The following SLMAP variants were observed in gnomAD, a reference collection of about 807,000 sequenced individuals.
SLMAP encodes the protein sarcolemmal membrane-associated protein.
Under a neutral mutation model 128.8 loss-of-function variants are expected in SLMAP, and 44 were observed. The ratio of observed to expected loss-of-function variants is 0.34; its 90% CI spans 0.27 to 0.44. The LOEUF (loss-of-function observed/expected upper bound fraction) is 0.44, where lower values mean the gene tolerates loss of function less well. Ranked by LOEUF, SLMAP falls within the 20% of genes least tolerant of loss-of-function variation. SLMAP has a pLI of 1.00. For missense variants in SLMAP, 787 were observed against 985.3 expected, an observed-to-expected ratio of 0.80 and a Z score of 2.69; for synonymous variants, 327 against 348.8, an observed-to-expected ratio of 0.94 and a Z score of 0.70.
Position 57,864,536 on chromosome 3 carries a change from T to C in SLMAP, c.967-12T>C, listed in dbSNP as rs766553720. On this transcript the variant is annotated splice_polypyrimidine_tract_variant and intron_variant, in intron 10 of 24. Transcript: ENST00000671191. The stretch of plus-strand genomic sequence containing the variant: ...AGGTTTGTTAAATAACTGAATTTTC[T>C]TATTTTTCTAGGTAGCAGAGGGAAA... 3.9e-6 allele frequency: 6 copies of C among 1,553,528 alleles called. No homozygotes were observed. The South Asian group carries it at 6.2e-5, about 16-fold the overall frequency.
chr3:57,840,171 C>A (rs2093861105), intron 3 of SLMAP, among the ~76,000 whole-genome samples: 1 of 152,174 alleles, frequency 6.6e-6, no homozygotes, highest in Admixed American at 6.5e-5. Flanking sequence ...CCAGGCTGGT[C>A]TCAAACTCCT....
At chr3:57,924,171 A>G (rs1043770419) in intron 23 of SLMAP, among the ~76,000 whole-genome samples, 1 of 152,160 alleles carries the variant, frequency 6.6e-6, no homozygotes, top group African/African-American at 2.4e-5. Context: ...CCTTTTCAAA[A>G]GTAACTTTGC....
At chr3:57,838,182 C>T (rs1428987015) in intron 3 of SLMAP, among the ~76,000 whole-genome samples, 2 of 152,044 alleles carry the variant, frequency 1.3e-5, no homozygotes, top group Non-Finnish European at 2.9e-5. Context: ...AACTTTCTAC[C>T]AAATTAAAGT....
At chr3:57,839,207 G>A (rs2093793199) in intron 3 of SLMAP, among the ~76,000 whole-genome samples, 1 of 151,878 alleles carries the variant, frequency 6.6e-6, no homozygotes, top group South Asian at 2.1e-4. Flanking sequence ...CCACAGCACT[G>A]GGATTAGGGG....
At chr3:57,814,958 G>A (rs1054517676) in intron 2 of SLMAP, among the ~76,000 whole-genome samples, 1 of 152,142 alleles carries the variant, frequency 6.6e-6, no homozygotes, top group Admixed American at 6.5e-5. Context: ...CTGTACTCTA[G>A]TATGGGTTAC....
At position 57,801,034 on chromosome 3, in the gene SLMAP, G is replaced by A. The variant is rs111461055; in HGVS notation, c.199-30349G>A. 506 of 226,918 alleles carry A rather than the reference G, an allele frequency of 2.2e-3. 4 individuals carry two copies. Among genetic ancestry groups the A allele is most frequent in the African/African-American group, 0.011 (484 of 43,344 alleles). The allele number at this position is 226,918 out of a possible 1,614,324, so 14.1% of individuals were successfully genotyped here. On this transcript the variant is annotated intron_variant, in intron 2 of 24. Transcript: ENST00000671191. ...CTGTAAGCTCTACAAGAATTTCTGGGACAGAAAGTTCATGAGTAAAGCTAA... is the reference window on the plus strand; with the variant it reads ...CTGTAAGCTCTACAAGAATTTCTGGAACAGAAAGTTCATGAGTAAAGCTAA...
At chr3:57,917,153 T>C (rs747728794) in intron 22 of SLMAP, 76 bp downstream of exon 22, 1 of 1,598,008 alleles carries the variant, frequency 6.3e-7, no homozygotes, top group Non-Finnish European at 8.5e-7. Flanking sequence ...CCATGCTAGT[T>C]AGAAATAAAG....
At chr3:57,889,010 G>A (rs137907050) in intron 14 of SLMAP, among the ~76,000 whole-genome samples, 2,004 of 151,770 alleles carry the variant, frequency 0.013, 19 homozygotes, top group South Asian at 0.034. Context: ...TCAGCCTCCC[G>A]AGTAGCTGGG....
At chr3:57,867,463 A>C (rs2095337385) in intron 13 of SLMAP, among the ~76,000 whole-genome samples, 1 of 152,162 alleles carries the variant, frequency 6.6e-6, no homozygotes, top group South Asian at 2.1e-4. Flanking sequence ...TATTTTAGAT[A>C]CTTAAAGGTA....
chr3:57,779,598 A>G (rs1378814588), intron 2 of SLMAP, among the ~76,000 whole-genome samples: 2 of 152,104 alleles, frequency 1.3e-5, no homozygotes, highest in African/African-American at 2.4e-5. Flanking sequence ...TAGTAATAGA[A>G]TGATAAGCAA....
intron 6 of SLMAP, among the ~76,000 whole-genome samples, chr3:57,857,482 G>A (rs1354105934): frequency 6.6e-6 from 1 of 152,162 alleles, no homozygotes; most frequent in South Asian, 2.1e-4. Context: ...TAAAAGTTAT[G>A]TGAATGTCAA....
rs2096826161 is a variant in SLMAP, at chr3:57,916,972, T to C, written c.2205T>C (p.Leu735=). ...LSILQMSRKE[L]ENQVGSLKEQ... ...TCCTTCAAATGTCTAGGAAAGAACT[T>C]GAGAATCAAGTGGGATCCTTGAAAG... The change falls in exon 22 of 25, where the codon CTT becomes CTC. Residue 735 remains leucine (L), a synonymous_variant. Transcript: ENST00000671191. 1 of 1,613,818 alleles carries C rather than the reference T, an allele frequency of 6.2e-7. No individual in the cohort carries two copies. The highest frequency in any genetic ancestry group is 8.5e-7 in the Non-Finnish European group (1 of 1,179,926).
chr3:57,816,432 C>T (rs2091872497), intron 2 of SLMAP, among the ~76,000 whole-genome samples: 1 of 152,200 alleles, frequency 6.6e-6, no homozygotes, highest in African/African-American at 2.4e-5. Context: ...GTGTGAGCCA[C>T]AGCACCCAGC....
intron 2 of SLMAP, among the ~76,000 whole-genome samples, chr3:57,831,100 T>C (rs780126240): frequency 6.6e-6 from 1 of 152,204 alleles, no homozygotes; most frequent in Non-Finnish European, 1.5e-5. Context: ...GTGGAATTGC[T>C]GAGTTGTATA....
chr3:57,881,393 A>G (rs568681795), intron 14 of SLMAP, among the ~76,000 whole-genome samples: 1 of 152,274 alleles, frequency 6.6e-6, no homozygotes, highest in Admixed American at 6.5e-5. Flanking sequence ...TGACTCCCAA[A>G]GCATTGAGGT....
intron 22 of SLMAP, among the ~76,000 whole-genome samples, chr3:57,919,106 C>A (rs2096866746): frequency 6.6e-6 from 1 of 152,148 alleles, no homozygotes; most frequent in Non-Finnish European, 1.5e-5. Context: ...CTTGGCTGGG[C>A]GCCGTGGCTC....
chr3:57,923,588 A>T (rs993097977), intron 23 of SLMAP, among the ~76,000 whole-genome samples: 1 of 152,248 alleles, frequency 6.6e-6, no homozygotes, highest in African/African-American at 2.4e-5. Flanking sequence ...CTAGAAAGAC[A>T]GATGGTCTTT....
intron 14 of SLMAP, among the ~76,000 whole-genome samples, chr3:57,875,173 A>G (rs2095574872): frequency 6.6e-6 from 1 of 152,224 alleles, no homozygotes; most frequent in Non-Finnish European, 1.5e-5. Context: ...GTACCTACAT[A>G]CAAGAAAAAA....
intron 17 of SLMAP, among the ~76,000 whole-genome samples, chr3:57,906,113 A>G (rs908615639): frequency 6.7e-6 from 1 of 149,968 alleles, no homozygotes; most frequent in Non-Finnish European, 1.5e-5. Context: ...AACAGGGGCC[A>G]GGACCTTTGC....
Sources: gnomAD v4.1 joint callset for allele counts (sites outside exome capture counted in the v4.1 genomes callset) on GRCh38, gnomAD v4.1.1 for gene constraint, MANE v1.5 for transcripts, NCBI Gene and HGNC (gene_info 2026-07-23, HGNC 2026-07-21) for gene names.